The following MRO variants were observed in gnomAD, a reference collection of about 807,000 sequenced individuals.
MRO encodes the protein protein maestro.
MRO carries 28 observed loss-of-function variants against 31.0 expected under a neutral mutation model. That is an observed-to-expected ratio of 0.90 (90% CI 0.67 to 1.24). The LOEUF is 1.24. Ranked by LOEUF, MRO falls within the 50% of genes most tolerant of loss-of-function variation. The pLI, the probability that MRO is intolerant of heterozygous loss-of-function variation, is 0.00. For synonymous variants in MRO, 108 were observed against 108.4 expected, an observed-to-expected ratio of 1.00 and a Z score of 0.02; for missense variants, 332 against 289.2, an observed-to-expected ratio of 1.15 and a Z score of -1.07.
At chr18:50,808,728 T>A (rs1332398479) in intron 3 of MRO, among the ~76,000 whole-genome samples, 1 of 151,750 alleles carries the variant, frequency 6.6e-6, no homozygotes, top group Non-Finnish European at 1.5e-5. Context: ...GTGCTGGGAT[T>A]ACAGAGGTGA....
In MRO at chr18:50,795,347, G is replaced by A. The variant is rs1912704658; in HGVS notation, c.*3990C>T. On this transcript the variant is annotated 3_prime_UTR_variant, in exon 8 of 8. Coordinates refer to ENST00000398439, the MANE Select transcript of MRO (RefSeq NM_031939.6). ...CATTTTGCATGTGTTTTATAACTAT[G>A]AAAGTAATACATGCTCATTGCAGCA... 6.6e-6 allele frequency: 1 copy of A among 152,124 alleles called. No homozygotes were observed. The highest frequency in any genetic ancestry group is 6.6e-5 in the Admixed American group (1 of 15,264). 9.4% of individuals were successfully genotyped at this position (152,124 alleles called of 1,614,324 possible).
At chr18:50,824,130 A>G (rs1915412015), upstream of MRO, 1 of 152,254 alleles carries the variant, frequency 6.6e-6, no homozygotes, top group Non-Finnish European at 1.5e-5. Flanking sequence ...CATTCAGTAT[A>G]AGATAAATGC....
Position 50,799,410 on chromosome 18 carries a change from G to A in MRO, c.694-20C>T, listed in dbSNP as rs768509103. On this transcript the variant is annotated intron_variant, in intron 7 of 7. Transcript: ENST00000398439. ...GTGGCTCTGAAAGAAATTAGCAAAG[G>A]TACGCGTGAGGGCAGGATTCAACAA... The A allele has an allele frequency of 6.2e-7, 1 of 1,610,874 alleles. No individual in the cohort carries two copies. The highest frequency in any genetic ancestry group is 8.5e-7 in the Non-Finnish European group (1 of 1,177,058).
upstream of MRO, among the ~76,000 whole-genome samples, chr18:50,822,950 G>A (rs1242021604): frequency 1.3e-5 from 2 of 151,950 alleles, no homozygotes; most frequent in South Asian, 2.1e-4. Flanking sequence ...TGCCCACAGC[G>A]CAAGGCAGGA....
chr18:50,821,473 A>G (rs527973205), upstream of MRO, among the ~76,000 whole-genome samples: 2 of 152,234 alleles, frequency 1.3e-5, no homozygotes, highest in African/African-American at 4.8e-5. Flanking sequence ...TACGGCCATA[A>G]TCTATATACT....
At chr18:50,800,388 C>A (rs777777694) in intron 6 of MRO, among the ~76,000 whole-genome samples, 12 of 152,108 alleles carry the variant, frequency 7.9e-5, no homozygotes, top group Non-Finnish European at 1.5e-4. Flanking sequence ...TGTTATTATC[C>A]CATCAAAAGT....
chr18:50,811,303 A>C (rs528790553), intron 2 of MRO, among the ~76,000 whole-genome samples: 2 of 152,286 alleles, frequency 1.3e-5, no homozygotes, highest in South Asian at 4.1e-4. Context: ...TCTAATATCA[A>C]AACTTTTTCA....
intron 5 of MRO, among the ~76,000 whole-genome samples, chr18:50,803,634 G>A (rs1375846091): frequency 2.0e-5 from 3 of 152,144 alleles, no homozygotes; most frequent in Admixed American, 6.6e-5. Flanking sequence ...AGGGACCTTC[G>A]CCCGCTCCCT....
At position 50,809,299 on chromosome 18, in the gene MRO, G is replaced by T; in HGVS notation, c.99+3C>A. 6.2e-7 allele frequency: 1 copy of T among 1,609,296 alleles called. No homozygotes were observed. Among genetic ancestry groups the T allele is most frequent in the South Asian group, 1.1e-5 (1 of 90,876 alleles). ...AATTTGTTCATAATATTTTGTGTCA[G>T]ACCTTGGAAAAGAAAGATATCATTG... On this transcript the variant is annotated splice_donor_region_variant and intron_variant, in intron 3 of 7. Transcript: ENST00000398439.
rs1210452096 is a variant in MRO, at chr18:50,800,127, A to C, written c.602T>G (p.Phe201Cys). 3 of 1,611,740 alleles carry C rather than the reference A, an allele frequency of 1.9e-6. No homozygotes were observed. The Admixed American group carries it at 5.0e-5, about 27-fold the overall frequency. Residue 201 changes from phenylalanine to cysteine, a missense_variant, in exon 7 of 8, where the codon TTT becomes TGT. Physicochemically the swap from Phe to Cys is radical, Grantham distance 205 (BLOSUM62 -2). Coordinates refer to ENST00000398439, the MANE Select transcript of MRO (RefSeq NM_031939.6). ...PQVAKACKTT[F>C]QACSPYLKLK... is the part of the protein sequence containing the mutation. ...TTTCAGATATGGAGAACAGGCTTGA[A>C]ATGTTGTTTTGCAAGCCTGAGAAAA...
chr18:50,821,538 G>A (rs940540337), upstream of MRO, among the ~76,000 whole-genome samples: 11 of 152,132 alleles, frequency 7.2e-5, no homozygotes, highest in Admixed American at 1.3e-4. Context: ...ATTATCCGAA[G>A]AACAGAGGAG....
intron 2 of MRO, among the ~76,000 whole-genome samples, chr18:50,818,788 A>C (rs1222606504): frequency 6.6e-6 from 1 of 152,194 alleles, no homozygotes; most frequent in Non-Finnish European, 1.5e-5. Flanking sequence ...GTGGTGGCTC[A>C]TGCCTATAAA....
intron 2 of MRO, among the ~76,000 whole-genome samples, chr18:50,812,571 A>G (rs535866917): frequency 6.6e-6 from 1 of 152,268 alleles, no homozygotes; most frequent in Non-Finnish European, 1.5e-5. Flanking sequence ...TGTTAAATCT[A>G]TGAATCTATT....
chr18:50,807,342 G>A (rs1453933429), intron 3 of MRO, among the ~76,000 whole-genome samples: 1 of 152,080 alleles, frequency 6.6e-6, no homozygotes, highest in Non-Finnish European at 1.5e-5. Flanking sequence ...ATTGCCTCTT[G>A]AACCCTCTGC....
intron 5 of MRO, among the ~76,000 whole-genome samples, chr18:50,801,872 C>T (rs1283770222): frequency 6.6e-6 from 1 of 152,072 alleles, no homozygotes; most frequent in Non-Finnish European, 1.5e-5. Flanking sequence ...AACCAAAAAG[C>T]TTTACAGGAA....
intron 1 of MRO, 45 bp from the exon 2 acceptor site, chr18:50,819,747 C>T (rs1338559194): frequency 8.4e-6 from 13 of 1,548,260 alleles, no homozygotes; most frequent in Non-Finnish European, 1.1e-5. Context: ...AGGGTCTGTC[C>T]AGGATAACGG....
chr18:50,804,101 C>T (rs1913681546), intron 5 of MRO, among the ~76,000 whole-genome samples: 1 of 152,248 alleles, frequency 6.6e-6, no homozygotes, highest in African/African-American at 2.4e-5. Context: ...CCTTTCTGTG[C>T]TTTGGTTTCC....
At chr18:50,806,353 A>G (rs1913926757) in intron 4 of MRO, among the ~76,000 whole-genome samples, 1 of 152,230 alleles carries the variant, frequency 6.6e-6, no homozygotes, top group South Asian at 2.1e-4. Context: ...CCCGGCATAC[A>G]GCAGGCAAAA....
chr18:50,809,683 A>G (rs1914301314), intron 2 of MRO, among the ~76,000 whole-genome samples: 1 of 152,234 alleles, frequency 6.6e-6, no homozygotes, highest in Non-Finnish European at 1.5e-5. Flanking sequence ...CCAAAGAAGT[A>G]AAACGCAGAT....
Sources: allele counts gnomAD v4.1 joint callset (sites outside exome capture counted in the v4.1 genomes callset), GRCh38; gene constraint gnomAD v4.1.1; transcripts MANE v1.5; gene names NCBI Gene and HGNC (gene_info 2026-07-23, HGNC 2026-07-21).